Variants in MCPH1 observed in about 807,000 individuals in gnomAD.
The protein encoded by MCPH1 is microcephalin 1, also known as microcephalin.
Under a neutral mutation model 84.5 loss-of-function variants are expected in MCPH1, and 104 were observed. The observed-to-expected ratio is 1.23, with a 90% CI of 1.05 to 1.45. The LOEUF (loss-of-function observed/expected upper bound fraction) is 1.45, where lower values mean the gene tolerates loss of function less well. Among genes scored for constraint, MCPH1 ranks in the 40% most tolerant of loss-of-function variants. The pLI is 0.00. For synonymous variants in MCPH1, 514 were observed against 366.8 expected (o/e 1.40, Z -4.58); for missense variants, 1,498 against 1,005.7 (o/e 1.49, Z -6.62).
intron 13 of MCPH1, among the ~76,000 whole-genome samples, chr8:6,631,506 T>G (rs1189058944): frequency 6.6e-6 from 1 of 151,948 alleles, no homozygotes; most frequent in East Asian, 1.9e-4. Flanking sequence ...AGCAAAGAAC[T>G]TGAATAAACA....
intron 12 of MCPH1, among the ~76,000 whole-genome samples, chr8:6,517,149 A>C (rs1377851462): frequency 1.3e-5 from 2 of 152,226 alleles, no homozygotes; most frequent in East Asian, 1.9e-4. Flanking sequence ...TGATTATATC[A>C]GGATCAGCAA....
rs570768245 is a variant in MCPH1 at position 6,524,526 on chromosome 8, C to T, written c.2214+24597C>T. 2.0e-5 allele frequency among the ~76,000 whole-genome samples: 3 copies of T among 152,290 alleles called. No individual in the cohort carries two copies. The East Asian group carries it at 5.8e-4, about 29-fold the overall frequency. On this transcript the variant is annotated intron_variant, in intron 12 of 13. Coordinates refer to ENST00000344683, the MANE Select transcript of MCPH1 (RefSeq NM_024596.5). The stretch of plus-strand genomic sequence containing the variant: ...CGAAAGCATGTGAAATTGACATACA[C>T]GTTTCACTGAGTGATAGTTGGGTTC...
chr8:6,510,158 C>T (rs61483562), intron 12 of MCPH1, among the ~76,000 whole-genome samples: 1 of 146,656 alleles, frequency 6.8e-6, no homozygotes. Context: ...GTTGTTTTTT[C>T]TTTTTTTTTT....
chr8:6,431,182 A>G (rs959747790), intron 3 of MCPH1, among the ~76,000 whole-genome samples: 4 of 152,228 alleles, frequency 2.6e-5, no homozygotes, highest in Non-Finnish European at 5.9e-5. Context: ...TCCATTTAAT[A>G]GCATTTACCC....
At chr8:6,544,351 G>C (rs1159899163) in intron 12 of MCPH1, among the ~76,000 whole-genome samples, 1 of 147,406 alleles carries the variant, frequency 6.8e-6, no homozygotes, top group Admixed American at 6.8e-5. Flanking sequence ...ATTATAGTTT[G>C]ACTGTGCTGG....
chr8:6,529,285 A>T (rs916283075), intron 12 of MCPH1, among the ~76,000 whole-genome samples: 1 of 152,088 alleles, frequency 6.6e-6, no homozygotes, highest in African/African-American at 2.4e-5. Flanking sequence ...GCTCAATTTG[A>T]TCGTCTCTCA....
Position 6,436,462 on chromosome 8 carries a change from T to A in MCPH1, c.436+300T>A, listed in dbSNP as rs182376697. Among the ~76,000 whole-genome samples, 186 of 152,304 alleles carry A rather than the reference T, an allele frequency of 1.2e-3. 1 individual carries two copies. The highest frequency in any genetic ancestry group is 4.3e-3 in the African/African-American group (177 of 41,578). The stretch of plus-strand genomic sequence containing the variant: ...CTTTGGCTAATAAGCATTATTGAAA[T>A]AAATACCTATTTATTTCTTCTTTAT... On this transcript the variant is annotated intron_variant, in intron 5 of 13. Coordinates refer to ENST00000344683, the MANE Select transcript of MCPH1 (RefSeq NM_024596.5).
At chr8:6,515,755 G>C (rs1443866988) in intron 12 of MCPH1, among the ~76,000 whole-genome samples, 1 of 152,214 alleles carries the variant, frequency 6.6e-6, no homozygotes, top group Non-Finnish European at 1.5e-5. Flanking sequence ...AAAACCAATT[G>C]TAAATATTCT....
intron 12 of MCPH1, among the ~76,000 whole-genome samples, chr8:6,541,438 A>G (rs1373239133): frequency 6.6e-6 from 1 of 152,110 alleles, no homozygotes; most frequent in East Asian, 1.9e-4. Context: ...GTGCTCTGAG[A>G]AAGACAATAT....
chr8:6,580,339 C>G (rs1827459380), intron 12 of MCPH1, among the ~76,000 whole-genome samples: 1 of 152,140 alleles, frequency 6.6e-6, no homozygotes, highest in South Asian at 2.1e-4. Flanking sequence ...GCCGGTTGCC[C>G]TTTGTTGTGT....
intron 12 of MCPH1, among the ~76,000 whole-genome samples, chr8:6,540,075 G>A (rs543503756): frequency 8.5e-5 from 13 of 152,288 alleles, no homozygotes; most frequent in East Asian, 1.9e-4. Flanking sequence ...CTCCTCCTGT[G>A]GATAGGTACA....
At chr8:6,642,314 G>C (rs1797986441) in intron 13 of MCPH1, among the ~76,000 whole-genome samples, 1 of 152,128 alleles carries the variant, frequency 6.6e-6, no homozygotes, top group Admixed American at 6.5e-5. Flanking sequence ...CCAGGACTGA[G>C]GAAAGAGGGA....
chr8:6,436,122 G>C lies in MCPH1; in HGVS notation c.396G>C (p.Glu132Asp). Reference protein sequence around the residue: ...ENDKRFQKKFEKMAKELQRQK... With the variant: ...ENDKRFQKKFDKMAKELQRQK... The stretch of plus-strand genomic sequence containing the variant: ...ATAAGAGATTTCAGAAGAAATTTGA[G>C]AAAATGGCTAAAGAGCTACAAAGGC... The change falls in exon 5 of 14, where the codon GAG becomes GAC. Residue 132 changes from glutamate (E) to aspartate (D), a missense_variant. Glu to Asp is a conservative substitution (Grantham distance 45). Coordinates refer to ENST00000344683, the MANE Select transcript of MCPH1 (RefSeq NM_024596.5). 1.2e-6 allele frequency: 2 copies of C among 1,613,776 alleles called. No individual in the cohort carries two copies. The highest frequency in any genetic ancestry group is 1.7e-6 in the Non-Finnish European group (2 of 1,179,824).
intron 12 of MCPH1, chr8:6,509,196 G>A: frequency 8.6e-7 from 1 of 1,168,376 alleles, no homozygotes; most frequent in Non-Finnish European, 1.2e-6. Context: ...GCATACTCTG[G>A]ACAAAATATT....
chr8:6,462,279 A>T (rs1225979848), intron 9 of MCPH1, among the ~76,000 whole-genome samples: 3 of 152,234 alleles, frequency 2.0e-5, no homozygotes, highest in African/African-American at 7.2e-5. Context: ...TTGTTCTTAC[A>T]TCTTTGCTAG....
intron 12 of MCPH1, among the ~76,000 whole-genome samples, chr8:6,611,191 T>C (rs1830233433): frequency 6.6e-6 from 1 of 152,214 alleles, no homozygotes; most frequent in Non-Finnish European, 1.5e-5. Context: ...GTTTTTTTCA[T>C]GCCAAACAAT....
At chr8:6,533,333 G>A (rs1019702040) in intron 12 of MCPH1, among the ~76,000 whole-genome samples, 7 of 152,202 alleles carry the variant, frequency 4.6e-5, no homozygotes, top group Non-Finnish European at 5.9e-5. Flanking sequence ...ACATGATTAT[G>A]TATAACTGCA....
In MCPH1 at chr8:6,444,874, G is replaced by C. The variant is rs1209549862; in HGVS notation, c.1152G>C (p.Arg384Ser). 6.2e-7 allele frequency: 1 copy of C among 1,614,196 alleles called. No homozygotes were observed. The highest frequency in any genetic ancestry group is 1.1e-5 in the South Asian group (1 of 91,084). ...GCACCAGGAGATCTATCATGCCGAG[G>C]CTGCAGCTGTGCAGGTCGGAAGACA... is the stretch of plus-strand genomic sequence containing the variant. ...KRSTRRSIMP[R>S]LQLCRSEDRL... Residue 384 changes from arginine (R) to serine (S), a missense_variant, in exon 8 of 14, where the codon AGG becomes AGC. Arg to Ser is a moderately radical substitution (Grantham distance 110, BLOSUM62 -1). Transcript: ENST00000344683.
chr8:6,560,526 G>C (rs1015054940), intron 12 of MCPH1, among the ~76,000 whole-genome samples: 2 of 152,170 alleles, frequency 1.3e-5, no homozygotes, highest in African/African-American at 4.8e-5. Context: ...AACCGAGCGA[G>C]AGTGCAAATT....
Sources: allele counts gnomAD v4.1 joint callset (sites outside exome capture counted in the v4.1 genomes callset), GRCh38; gene constraint gnomAD v4.1.1; transcripts MANE v1.5; gene names NCBI Gene and HGNC (gene_info 2026-07-23, HGNC 2026-07-21).